Variants in FBXW8 observed in about 807,000 individuals in gnomAD.
FBXW8 encodes the protein F-box/WD repeat-containing protein 8.
FBXW8 carries 57 observed loss-of-function variants against 65.3 expected under a neutral mutation model. That is an observed-to-expected ratio of 0.87 (90% CI 0.71 to 1.09). The LOEUF (loss-of-function observed/expected upper bound fraction) is 1.09. Among genes scored for constraint, FBXW8 ranks in the 50% least tolerant of loss-of-function variants. FBXW8 has a pLI of 0.00. For synonymous variants in FBXW8, 308 were observed against 330.2 expected (o/e 0.93, Z 0.73); for missense variants, 777 against 814.8 (o/e 0.95, Z 0.57).
At chr12:116,959,151 G>C (rs867878087) in intron 4 of FBXW8, among the ~76,000 whole-genome samples, 1 of 152,192 alleles carries the variant, frequency 6.6e-6, no homozygotes, top group South Asian at 2.1e-4. Context: ...CATCTGCTCA[G>C]CTCCCAGTCC....
intron 8 of FBXW8, among the ~76,000 whole-genome samples, chr12:117,015,639 G>A (rs944968382): frequency 6.6e-6 from 1 of 152,168 alleles, no homozygotes; most frequent in Non-Finnish European, 1.5e-5. Context: ...CACTGAGCCA[G>A]CAAATTCCAG....
At chr12:117,010,672 G>C (rs1449476367) in intron 8 of FBXW8, among the ~76,000 whole-genome samples, 1 of 152,248 alleles carries the variant, frequency 6.6e-6, no homozygotes, top group Non-Finnish European at 1.5e-5. Context: ...CCACGGGAAG[G>C]TTTTCTTTTA....
intron 1 of FBXW8, among the ~76,000 whole-genome samples, chr12:116,916,959 T>C (rs1880477073): frequency 6.6e-6 from 1 of 151,878 alleles, no homozygotes; most frequent in Non-Finnish European, 1.5e-5. Context: ...TGAGTCATCA[T>C]ACAGCAGCTT....
At chr12:117,022,375 C>G (rs906401439) in intron 8 of FBXW8, among the ~76,000 whole-genome samples, 8 of 150,136 alleles carry the variant, frequency 5.3e-5, no homozygotes, top group Non-Finnish European at 8.9e-5. Flanking sequence ...AAAAAACAGG[C>G]TGGGTGCAAT....
chr12:117,005,976 A>C (rs1237528133), intron 7 of FBXW8, among the ~76,000 whole-genome samples: 1 of 152,132 alleles, frequency 6.6e-6, no homozygotes, highest in African/African-American at 2.4e-5. Context: ...TCTCTTTGCC[A>C]CTGCCCTTTT....
Position 117,028,850 on chromosome 12 carries a change from A to G in FBXW8, c.*678A>G, listed in dbSNP as rs1214646659. 1.3e-5 allele frequency: 2 copies of G among 152,626 alleles called. No homozygotes were observed. The highest frequency in any genetic ancestry group is 2.9e-5 in the Non-Finnish European group (2 of 68,344). 9.5% of individuals were successfully genotyped at this position (152,626 alleles called of 1,614,324 possible). A position where few individuals can be genotyped will look rare whatever the true frequency, so the allele number is the denominator to read the frequency against. On this transcript the variant is annotated 3_prime_UTR_variant, in exon 11 of 11. Coordinates refer to ENST00000652555, the MANE Select transcript of FBXW8 (RefSeq NM_153348.3). This position sits in a 1 kb window ranked among gnomAD's most constrained non-coding sequence, Gnocchi z 4.1. ...ATATTCATTGACTAAACAGCCATCA[A>G]GATGAAACAGGACAGGAGAGAACTG... is the stretch of plus-strand genomic sequence containing the variant.
chr12:116,942,768 C>CTTTTT (rs1882685943), intron 2 of FBXW8, among the ~76,000 whole-genome samples: 2 of 96,882 alleles, frequency 2.1e-5, no homozygotes, highest in African/African-American at 7.9e-5. Flanking sequence ...TCCAGAGCTT[C>CTTTTT]TATTTTTTTT....
chr12:116,941,158 A>C (rs1470317747), intron 2 of FBXW8, among the ~76,000 whole-genome samples: 1 of 152,148 alleles, frequency 6.6e-6, no homozygotes, highest in Non-Finnish European at 1.5e-5. Flanking sequence ...GATCAGACTG[A>C]TGGGGGAGGT....
Position 117,028,337 on chromosome 12 carries a change from G to A in FBXW8, c.*165G>A. 1.2e-6 allele frequency: 1 copy of A among 826,970 alleles called. No homozygotes were observed. Among genetic ancestry groups the A allele is most frequent in the Non-Finnish European group, 1.8e-6 (1 of 543,540 alleles). The allele number at this position is 826,970 out of a possible 1,614,324, so 51.2% of individuals were successfully genotyped here. A position where few individuals can be genotyped will look rare whatever the true frequency, so the allele number is the denominator to read the frequency against. On this transcript the variant is annotated 3_prime_UTR_variant, in exon 11 of 11. Coordinates refer to ENST00000652555, the MANE Select transcript of FBXW8 (RefSeq NM_153348.3). The surrounding 1 kb of genome is among the most constrained non-coding windows in gnomAD (Gnocchi z 4.1). ...CTCCCTGACCCCTGCACTTCCCCCA[G>A]CGCCTGGGGCAAGCTGGCGTGTGCC... is the stretch of plus-strand genomic sequence containing the variant.
At chr12:117,004,537 G>T (rs1953630067) in intron 7 of FBXW8, among the ~76,000 whole-genome samples, 1 of 152,188 alleles carries the variant, frequency 6.6e-6, no homozygotes, top group Non-Finnish European at 1.5e-5. Flanking sequence ...TATTAGGCTT[G>T]GATTCTTTTA....
chr12:116,925,420 G>A (rs1881246590), intron 1 of FBXW8, among the ~76,000 whole-genome samples: 1 of 152,220 alleles, frequency 6.6e-6, no homozygotes, highest in Admixed American at 6.5e-5. Context: ...GATAGAATAT[G>A]TTGCCAGAAT....
chr12:116,998,603 G>C (rs1427488208), intron 7 of FBXW8, among the ~76,000 whole-genome samples: 3 of 152,312 alleles, frequency 2.0e-5, no homozygotes, highest in African/African-American at 7.2e-5. Context: ...GCTTTGGTTT[G>C]TTTGTGCCAA....
chr12:116,945,258 A>G lies in FBXW8; in HGVS notation c.424-106A>G, dbSNP rs150896242. On this transcript the variant is annotated intron_variant, in intron 2 of 10. Transcript: ENST00000652555. ...GTGTTTTGTTAATGAGACATTTTAT[A>G]CTGCCATAAACCCAGGGCAATAATA... 1,497 of 1,058,556 alleles carry G rather than the reference A, an allele frequency of 1.4e-3. 6 individuals carry two copies. Among genetic ancestry groups the G allele is most frequent in the Middle Eastern group, 0.012 (36 of 3,102 alleles). 65.6% of individuals were successfully genotyped at this position (1,058,556 alleles called of 1,614,324 possible). A position where few individuals can be genotyped will look rare whatever the true frequency, so the allele number is the denominator to read the frequency against.
chr12:117,002,128 C>T (rs1311154382), intron 7 of FBXW8, among the ~76,000 whole-genome samples: 1 of 152,230 alleles, frequency 6.6e-6, no homozygotes, highest in Non-Finnish European at 1.5e-5. Context: ...CTGCCCACAT[C>T]ACAAAGCCCC....
chr12:116,992,988 A>T (rs1182268413), intron 7 of FBXW8, among the ~76,000 whole-genome samples: 1 of 151,934 alleles, frequency 6.6e-6, no homozygotes, highest in Non-Finnish European at 1.5e-5. Flanking sequence ...TAGTTATCTG[A>T]GAAATCTCCA....
At chr12:116,926,253 T>C (rs1656020919) in intron 1 of FBXW8, among the ~76,000 whole-genome samples, 1 of 152,210 alleles carries the variant, frequency 6.6e-6, no homozygotes, top group Non-Finnish European at 1.5e-5. Flanking sequence ...TAGATGAGAC[T>C]TCAGTTTCAA....
intron 7 of FBXW8, among the ~76,000 whole-genome samples, chr12:116,999,851 C>G (rs573270328): frequency 1.3e-5 from 2 of 152,348 alleles, no homozygotes; most frequent in South Asian, 4.1e-4. Flanking sequence ...TCCCCTCTTC[C>G]TCTCCTGTCT....
At chr12:116,998,899 T>TA (rs948466836) in intron 7 of FBXW8, among the ~76,000 whole-genome samples, 1 of 152,238 alleles carries the variant, frequency 6.6e-6, no homozygotes, top group African/African-American at 2.4e-5. Flanking sequence ...GTTTTCAAAA[T>TA]ACACATCGCA....
chr12:117,007,423 A>G (rs1953704890), intron 7 of FBXW8, among the ~76,000 whole-genome samples: 1 of 152,250 alleles, frequency 6.6e-6, no homozygotes, highest in Non-Finnish European at 1.5e-5. Context: ...TAAAACACAC[A>G]ACCAGCCTCA....
Sources: gnomAD v4.1 joint callset for allele counts (sites outside exome capture counted in the v4.1 genomes callset) on GRCh38, gnomAD v4.1.1 for gene constraint, Gnocchi (gnomAD v3.1) non-coding constraint, MANE v1.5 for transcripts, NCBI Gene and HGNC (gene_info 2026-07-23, HGNC 2026-07-21) for gene names.